The following PRR33 variants were observed in gnomAD, a reference collection of about 807,000 sequenced individuals.
The protein encoded by PRR33 is proline rich 33.
In PRR33, 1 loss-of-function variant was observed where a neutral mutation model predicts 0.5. The ratio of observed to expected loss-of-function variants is 2.18; its 90% CI spans 0.77 to 10.34. The LOEUF (loss-of-function observed/expected upper bound fraction) is 10.34, where lower values mean the gene tolerates loss of function less well. Among genes scored for constraint, PRR33 ranks in the 30% most tolerant of loss-of-function variants. PRR33 has a pLI of 0.13. For missense variants in PRR33, 552 were observed against 251.8 expected (o/e 2.19, Z -8.07); for synonymous variants, 226 against 110.0 (o/e 2.06, Z -6.60).
chr11:1,894,148 TTC>T (rs1431735973), upstream of PRR33, among the ~76,000 whole-genome samples: 9 of 94,290 alleles, frequency 9.5e-5, no homozygotes, highest in Non-Finnish European at 2.1e-4. Flanking sequence ...GTGTGACAAG[TTC>T]TCTGTTTCCC....
At chr11:1,902,157 G>A in the PRR33 span, among the ~76,000 whole-genome samples, 3 of 152,004 alleles carry the variant, frequency 2.0e-5, no homozygotes, top group African/African-American at 7.2e-5. Context: ...GTCTGAACCC[G>A]GGAGGCGGAG....
chr11:1,917,611 G>A, the PRR33 span, among the ~76,000 whole-genome samples: 1 of 152,338 alleles, frequency 6.6e-6, no homozygotes, highest in Non-Finnish European at 1.5e-5. Context: ...ATCCCGGTCC[G>A]GCCAGATGGC....
chr11:1,897,301 C>T, the PRR33 span, among the ~76,000 whole-genome samples: 3 of 152,312 alleles, frequency 2.0e-5, no homozygotes, highest in East Asian at 1.9e-4. The surrounding 1 kb of genome is among the most constrained non-coding windows in gnomAD (Gnocchi z 4.0). Context: ...GTGTCCCTGT[C>T]GCCATTGTAA....
At chr11:1,888,165 C>A (rs1246828265) in exon 1 of PRR33, among the ~76,000 whole-genome samples, 1 of 152,122 alleles carries the variant, frequency 6.6e-6, no homozygotes, top group African/African-American at 2.4e-5. Context: ...GGCAGCTGTC[C>A]TCCTACCATC....
At chr11:1,889,716 C>G in exon 1 of PRR33, 1 of 649,718 alleles carries the variant, frequency 1.5e-6, no homozygotes, top group Non-Finnish European at 2.8e-6. Context: ...GTGCTCTCTG[C>G]CAGGGCCCAT....
At chr11:1,895,951 C>T (rs765725334), upstream of PRR33, among the ~76,000 whole-genome samples, 4 of 152,016 alleles carry the variant, frequency 2.6e-5, no homozygotes, top group Admixed American at 1.3e-4. Flanking sequence ...GAGGCTGCAG[C>T]GAGCAGAGAT....
the PRR33 span, among the ~76,000 whole-genome samples, chr11:1,909,828 A>G: frequency 1.3e-5 from 2 of 152,228 alleles, no homozygotes; most frequent in African/African-American, 4.8e-5. Flanking sequence ...TGATGGCTTC[A>G]TCTGAGTTGA....
chr11:1,890,320 G>T (rs1565091848), exon 1 of PRR33: 5 of 711,900 alleles, frequency 7.0e-6, no homozygotes, highest in African/African-American at 1.7e-5. Context: ...GCTTCGGCGG[G>T]GTGCGGGCCC....
At chr11:1,889,641 G>A in exon 1 of PRR33, 1 of 619,782 alleles carries the variant, frequency 1.6e-6, no homozygotes, top group East Asian at 2.8e-5. Context: ...AGGGGATGAG[G>A]CCCAGGCAGG....
chr11:1,909,495 C>T, the PRR33 span, among the ~76,000 whole-genome samples: 1 of 152,194 alleles, frequency 6.6e-6, no homozygotes, highest in Admixed American at 6.5e-5. Context: ...CCTGTAATCC[C>T]AGCTACTCGG....
the PRR33 span, among the ~76,000 whole-genome samples, chr11:1,909,264 T>C: frequency 6.6e-6 from 1 of 152,000 alleles, no homozygotes; most frequent in African/African-American, 2.4e-5. Context: ...TTTGCGAGGC[T>C]CGAGTCCAGG....
the PRR33 span, among the ~76,000 whole-genome samples, chr11:1,908,777 A>G: frequency 6.6e-6 from 1 of 152,214 alleles, no homozygotes; most frequent in Non-Finnish European, 1.5e-5. Flanking sequence ...TTTCCGCCTC[A>G]CATCATTGGC....
At chr11:1,915,196 C>T in the PRR33 span, among the ~76,000 whole-genome samples, 4 of 126,976 alleles carry the variant, frequency 3.2e-5, no homozygotes, top group Admixed American at 2.5e-4. Flanking sequence ...GATGATGTTT[C>T]TCTGTGTGTG....
At chr11:1,890,660 T>C (rs629781) in exon 1 of PRR33, 632,082 of 651,974 alleles carry the variant, frequency 0.97, 306,452 homozygotes, top group East Asian at 1. Flanking sequence ...CTGTGTCTCC[T>C]GTGGTCCAAG....
chr11:1,914,995 G>A, the PRR33 span, among the ~76,000 whole-genome samples: 2 of 150,016 alleles, frequency 1.3e-5, no homozygotes, highest in African/African-American at 4.9e-5. Context: ...ACAAACCTGG[G>A]GATGATATTT....
the PRR33 span, among the ~76,000 whole-genome samples, chr11:1,898,460 C>T: frequency 2.0e-5 from 3 of 152,092 alleles, no homozygotes; most frequent in Admixed American, 6.5e-5. Context: ...TGGTCTTGAT[C>T]TCTTGACGTT....
chr11:1,906,420 C>T, the PRR33 span, among the ~76,000 whole-genome samples: 1 of 152,102 alleles, frequency 6.6e-6, no homozygotes, highest in Non-Finnish European at 1.5e-5. Context: ...GATATTTCCT[C>T]TTTTTTATGG....
chr11:1,905,026 T>A, the PRR33 span, among the ~76,000 whole-genome samples: 58 of 152,222 alleles, frequency 3.8e-4, no homozygotes, highest in African/African-American at 1.1e-3. Context: ...TTCTACTTGA[T>A]GTTTACTATT....
chr11:1,914,261 TG>T, the PRR33 span, among the ~76,000 whole-genome samples: 1 of 148,594 alleles, frequency 6.7e-6, no homozygotes, highest in African/African-American at 2.5e-5. Flanking sequence ...GTCACACATC[TG>T]GGATGATGTT....
Sources: allele counts gnomAD v4.1 joint callset (sites outside exome capture counted in the v4.1 genomes callset), GRCh38; gene constraint gnomAD v4.1.1; non-coding constraint Gnocchi (gnomAD v3.1); transcripts MANE v1.5; gene names NCBI Gene and HGNC (gene_info 2026-07-23, HGNC 2026-07-21).